The following NOL4L variants were observed in gnomAD, a reference collection of about 807,000 sequenced individuals.
NOL4L encodes nucleolar protein 4 like.
NOL4L carries 7 observed loss-of-function variants against 64.5 expected under a neutral mutation model. The observed-to-expected ratio is 0.11, with a 90% confidence interval of 0.06 to 0.20. NOL4L has a LOEUF of 0.20. Ranked by LOEUF, NOL4L falls within the 10% of genes least tolerant of loss-of-function variation. NOL4L has a pLI of 1.00. For missense variants in NOL4L, 680 were observed against 967.1 expected (o/e 0.70, Z 3.94); for synonymous variants, 413 against 401.0 (o/e 1.03, Z -0.36).
intron 5 of NOL4L, among the ~76,000 whole-genome samples, chr20:32,474,356 C>T (rs1310517751): frequency 1.3e-5 from 2 of 152,394 alleles, no homozygotes; most frequent in African/African-American, 2.4e-5. Context: ...ACCCCCCGCC[C>T]CGCAGGCTGC....
At chr20:32,517,872 A>G (rs933252383) in intron 3 of NOL4L, among the ~76,000 whole-genome samples, 1 of 152,168 alleles carries the variant, frequency 6.6e-6, no homozygotes, top group African/African-American at 2.4e-5. Flanking sequence ...GCTGATGAGA[A>G]AATATGGTTT....
intron 5 of NOL4L, among the ~76,000 whole-genome samples, chr20:32,461,829 C>T (rs1475794834): frequency 6.6e-6 from 1 of 151,668 alleles, no homozygotes; most frequent in African/African-American, 2.4e-5. Context: ...TTTATTGTGT[C>T]TCTGGCCTGT....
At chr20:32,474,513 G>C in intron 5 of NOL4L, 88 bp downstream of exon 5, 1 of 1,471,766 alleles carries the variant, frequency 6.8e-7, no homozygotes, top group Non-Finnish European at 9.0e-7. Context: ...CCGCCACCCT[G>C]GAGTGTGTCC....
At chr20:32,467,142 G>A (rs2014623452) in intron 5 of NOL4L, among the ~76,000 whole-genome samples, 1 of 152,198 alleles carries the variant, frequency 6.6e-6, no homozygotes, top group Non-Finnish European at 1.5e-5. Flanking sequence ...TTCACGCTGT[G>A]CTGGGGACAC....
chr20:32,510,382 G>A, intron 4 of NOL4L: 1 of 211,106 alleles, frequency 4.7e-6, no homozygotes, highest in East Asian at 1.1e-4. Context: ...GGTAACACGG[G>A]CCAAGATGCC....
Position 32,464,852 on chromosome 20 carries a change from G to A in NOL4L, c.842-8457C>T, listed in dbSNP as rs1055491969. 4.6e-5 allele frequency: 19 copies of A among 416,532 alleles called. 1 individual carries two copies. Among genetic ancestry groups the A allele is most frequent in the Middle Eastern group, 3.4e-4 (1 of 2,970 alleles). 25.8% of individuals were successfully genotyped at this position (416,532 alleles called of 1,614,324 possible). ...ACCATTTCAACAAATAATTGATACC[G>A]TGTTATCAGAGCTGAGATATTTCAC... On this transcript the variant is annotated intron_variant, in intron 5 of 10. Coordinates refer to ENST00000621426, the MANE Select transcript of NOL4L (RefSeq NM_001256798.2). This position sits in a 1 kb window ranked among gnomAD's most constrained non-coding sequence, Gnocchi z 5.6.
chr20:32,583,610 G>A (rs1230348718), intron 1 of NOL4L, among the ~76,000 whole-genome samples: 1 of 150,286 alleles, frequency 6.7e-6, no homozygotes, highest in Admixed American at 6.6e-5. Context: ...CTCGGCGACG[G>A]AAAGTTCAAA....
chr20:32,517,579 C>CA (rs754999207), intron 3 of NOL4L, among the ~76,000 whole-genome samples: 96 of 152,340 alleles, frequency 6.3e-4, no homozygotes, highest in Non-Finnish European at 1.0e-3. Flanking sequence ...TGGCAGCTTC[C>CA]AGAAACCAGG....
chr20:32,509,117 G>A (rs1228130112), intron 4 of NOL4L, among the ~76,000 whole-genome samples: 1 of 152,064 alleles, frequency 6.6e-6, no homozygotes, highest in Non-Finnish European at 1.5e-5. Flanking sequence ...CCAGTGCCAC[G>A]TGTCCTTCTG....
chr20:32,497,535 G>C (rs1036489078), intron 4 of NOL4L, among the ~76,000 whole-genome samples: 3 of 152,222 alleles, frequency 2.0e-5, no homozygotes, highest in Admixed American at 1.3e-4. Flanking sequence ...TATCCCACTA[G>C]TTCTGGGTGA....
At chr20:32,495,008 T>A (rs964257935) in intron 4 of NOL4L, among the ~76,000 whole-genome samples, 3 of 150,654 alleles carry the variant, frequency 2.0e-5, no homozygotes, top group Non-Finnish European at 4.4e-5. Context: ...CCTTTTCTCT[T>A]TCAAGAGGAC....
At chr20:32,579,268 A>C (rs1980317098) in intron 1 of NOL4L, among the ~76,000 whole-genome samples, 1 of 152,144 alleles carries the variant, frequency 6.6e-6, no homozygotes, top group South Asian at 2.1e-4. Flanking sequence ...ACACACACAC[A>C]AGCATTTCCA....
chr20:32,497,288 G>T (rs961127345), intron 4 of NOL4L, among the ~76,000 whole-genome samples: 2 of 148,546 alleles, frequency 1.3e-5, no homozygotes, highest in East Asian at 4.0e-4. Context: ...CTTTGCTGGG[G>T]GTGACAGGGC....
intron 2 of NOL4L, among the ~76,000 whole-genome samples, chr20:32,526,655 C>T (rs557648843): frequency 6.6e-6 from 1 of 152,294 alleles, no homozygotes; most frequent in Non-Finnish European, 1.5e-5. Flanking sequence ...GGGCATATCT[C>T]TAGAAGCTCC....
intron 1 of NOL4L, among the ~76,000 whole-genome samples, chr20:32,545,752 G>A (rs183806627): frequency 5.9e-5 from 9 of 152,260 alleles, no homozygotes; most frequent in Admixed American, 3.3e-4. Context: ...TGCATTCTCC[G>A]CTGTCCCAGG....
chr20:32,559,331 C>A (rs1163022052), intron 1 of NOL4L, among the ~76,000 whole-genome samples: 1 of 152,210 alleles, frequency 6.6e-6, no homozygotes, highest in Non-Finnish European at 1.5e-5. Context: ...GGTCTTGCAT[C>A]CAGGTATCCC....
chr20:32,539,545 T>TA (rs2018616668), intron 1 of NOL4L, among the ~76,000 whole-genome samples: 1 of 152,222 alleles, frequency 6.6e-6, no homozygotes, highest in South Asian at 2.1e-4. Flanking sequence ...CTTCCCATGG[T>TA]GCAGCCTCAC....
intron 4 of NOL4L, chr20:32,483,452 T>C: frequency 1.0e-6 from 1 of 990,886 alleles, no homozygotes. Flanking sequence ...CAGCTGCTGC[T>C]GCTGCTGCTG....
intron 1 of NOL4L, among the ~76,000 whole-genome samples, chr20:32,568,894 A>C (rs565392259): frequency 6.6e-5 from 10 of 152,052 alleles, no homozygotes; most frequent in Non-Finnish European, 1.3e-4. Context: ...TGGCCATCTC[A>C]CCAGCCCTCA....
Sources: gnomAD v4.1 joint callset for allele counts (sites outside exome capture counted in the v4.1 genomes callset) on GRCh38, gnomAD v4.1.1 for gene constraint, Gnocchi (gnomAD v3.1) non-coding constraint, MANE v1.5 for transcripts, NCBI Gene and HGNC (gene_info 2026-07-23, HGNC 2026-07-21) for gene names.